Variants in RBM28 observed in about 807,000 individuals in gnomAD.
RBM28 encodes the protein RNA-binding protein 28.
In RBM28, 78 loss-of-function variants were observed where a neutral mutation model predicts 98.3. The observed-to-expected ratio is 0.79, with a 90% CI of 0.66 to 0.96. The LOEUF is 0.96. Ranked by LOEUF, RBM28 falls within the 40% of genes least tolerant of loss-of-function variation. The pLI is 0.00. For synonymous variants in RBM28, 306 were observed against 330.9 expected, an observed-to-expected ratio of 0.92 and a Z score of 0.82; for missense variants, 838 against 913.0, an observed-to-expected ratio of 0.92 and a Z score of 1.06.
chr7:128,332,311 T>C (rs1180169882), intron 9 of RBM28, among the ~76,000 whole-genome samples: 1 of 152,184 alleles, frequency 6.6e-6, no homozygotes, highest in African/African-American at 2.4e-5. Flanking sequence ...TGCTCATGTA[T>C]TTCATCAATT....
intron 17 of RBM28, 127 bp downstream of exon 17, chr7:128,314,637 G>T (rs2116324689): frequency 1.4e-6 from 2 of 1,472,826 alleles, no homozygotes; most frequent in Non-Finnish European, 1.9e-6. Context: ...AACCCCATGT[G>T]TGGGAATACA....
intron 16 of RBM28, among the ~76,000 whole-genome samples, chr7:128,315,767 T>C (rs1036317971): frequency 6.6e-6 from 1 of 152,096 alleles, no homozygotes; most frequent in African/African-American, 2.4e-5. Flanking sequence ...CCTTCAAAAG[T>C]GAAGGAAAAG....
Position 128,324,543 on chromosome 7 carries a change from A to G in RBM28, c.1339+16T>C. The G allele has an allele frequency of 1.2e-6, 2 of 1,614,200 alleles. No individual in the cohort carries two copies. The highest frequency in any genetic ancestry group is 1.7e-6 in the Non-Finnish European group (2 of 1,180,026). ...GGCCAGGTACTTAGAAGTGTGGGTT[A>G]CATCTCCCTACTCACAGCCTTCTCG... On this transcript the variant is annotated intron_variant, in intron 12 of 18. Coordinates refer to ENST00000223073, the MANE Select transcript of RBM28 (RefSeq NM_018077.3).
intron 6 of RBM28, among the ~76,000 whole-genome samples, chr7:128,336,403 C>A (rs1302182437): frequency 6.6e-6 from 1 of 152,166 alleles, no homozygotes; most frequent in Non-Finnish European, 1.5e-5. Flanking sequence ...AATCTCAGTG[C>A]GTTCTATTCT....
chr7:128,337,083 A>C, intron 6 of RBM28, 48 bp downstream of exon 6: 2 of 1,579,880 alleles, frequency 1.3e-6, no homozygotes, highest in East Asian at 2.2e-5. Flanking sequence ...CAATACTCTC[A>C]CCCAGGTTAT....
intron 10 of RBM28, among the ~76,000 whole-genome samples, chr7:128,328,618 T>C (rs910819376): frequency 1.3e-5 from 2 of 152,182 alleles, no homozygotes; most frequent in African/African-American, 4.8e-5. Context: ...TAGGCTTCAT[T>C]CTAAAAGTAT....
At chr7:128,336,137 T>A in intron 6 of RBM28, 95 bp from the exon 7 acceptor site, 1 of 1,206,570 alleles carries the variant, frequency 8.3e-7, no homozygotes, top group Non-Finnish European at 1.2e-6. Context: ...CTTGGTTTCA[T>A]CGGTTTTACA....
intron 3 of RBM28, among the ~76,000 whole-genome samples, chr7:128,339,023 T>G (rs1412512481): frequency 6.6e-6 from 1 of 152,322 alleles, no homozygotes; most frequent in East Asian, 1.9e-4. Context: ...TCTTTCTCAG[T>G]AGTAGTTTCC....
chr7:128,340,975 A>G, intron 1 of RBM28: 2 of 361,034 alleles, frequency 5.5e-6, no homozygotes, highest in South Asian at 5.1e-5. Context: ...ACAAAGAATA[A>G]TATTAGGACC....
chr7:128,330,023 T>C (rs1001789425), intron 10 of RBM28, among the ~76,000 whole-genome samples: 1 of 151,232 alleles, frequency 6.6e-6, no homozygotes, highest in Non-Finnish European at 1.5e-5. Flanking sequence ...GAATGGTCAA[T>C]GCTTAAAACT....
chr7:128,333,578 C>T (rs1796533000), intron 8 of RBM28, among the ~76,000 whole-genome samples: 1 of 152,074 alleles, frequency 6.6e-6, no homozygotes, highest in Non-Finnish European at 1.5e-5. Flanking sequence ...ATTAGCCAGG[C>T]GTGGTAGCAG....
intron 9 of RBM28, 126 bp from the exon 10 acceptor site, chr7:128,331,054 G>T: frequency 1.4e-6 from 1 of 724,520 alleles, no homozygotes; most frequent in Non-Finnish European, 2.5e-6. Context: ...AATACATAGG[G>T]ATGGCCCCCA....
At chr7:128,339,610 TC>T (rs1223421506) in intron 2 of RBM28, 22 bp downstream of exon 2, 5 of 1,611,204 alleles carry the variant, frequency 3.1e-6, no homozygotes, top group Non-Finnish European at 4.2e-6. Context: ...GAGAAAAACT[TC>T]CTTCAATTAC....
intron 13 of RBM28, among the ~76,000 whole-genome samples, chr7:128,323,074 T>C (rs1796270963): frequency 6.6e-6 from 1 of 152,190 alleles, no homozygotes; most frequent in Non-Finnish European, 1.5e-5. Context: ...TCTAAAATGA[T>C]TTTATAATCT....
rs180778761 is a variant in RBM28 at position 128,321,282 on chromosome 7, C to T, written c.1547G>A (p.Gly516Glu). The change falls in exon 14 of 19, where the codon GGG becomes GAG. Residue 516 changes from glycine (G) to glutamate (E), a missense_variant. Gly to Glu is a moderately conservative substitution (Grantham distance 98). Transcript: ENST00000223073. ...LLLSATSGEKGVRIKECRVMR... is the reference protein window; with the variant it reads ...LLLSATSGEKEVRIKECRVMR... ...ACGTCTCACCTCCTTGATGCGCACC[C>T]CTTTCTCTCCACTAGTAGCACTCAG... 1.5e-5 allele frequency: 25 copies of T among 1,614,208 alleles called. No homozygotes were observed. Among genetic ancestry groups the T allele is most frequent in the Non-Finnish European group, 1.9e-5 (23 of 1,180,020 alleles).
In RBM28 at chr7:128,338,273, C is replaced by G. The variant is rs749867026; in HGVS notation, c.518G>C (p.Gly173Ala). 2 of 1,613,938 alleles carry G rather than the reference C, an allele frequency of 1.2e-6. No individual in the cohort carries two copies. The highest frequency in any genetic ancestry group is 1.3e-5 in the African/African-American group (1 of 74,926). Residue 173 changes from glycine (G) to alanine (A), a missense_variant, in exon 5 of 19, where the codon GGC (glycine) becomes GCC (alanine). By Grantham distance (60) the Gly-to-Ala change is moderately conservative. Coordinates refer to ENST00000223073, the MANE Select transcript of RBM28 (RefSeq NM_018077.3). ...ACCTTTTATCTCTTTCATGTTCATGCCTTTGAGAGCTTTACCTGCTTCTAG... is the reference window on the plus strand; with the variant it reads ...ACCTTTTATCTCTTTCATGTTCATGGCTTTGAGAGCTTTACCTGCTTCTAG... ...NLLEAGKALK[G>A]MNMKEIKGRT...
rs766559594 is a variant in RBM28 at position 128,308,819 on chromosome 7, A to T, written c.*1978T>A. 2 of 152,196 alleles carry T rather than the reference A, an allele frequency of 1.3e-5. No individual in the cohort carries two copies. The highest frequency in any genetic ancestry group is 2.9e-5 in the Non-Finnish European group (2 of 68,124). The allele number at this position is 152,196 out of a possible 1,614,324, so 9.4% of individuals were successfully genotyped here. On this transcript the variant is annotated 3_prime_UTR_variant, in exon 19 of 19. Coordinates refer to ENST00000223073, the MANE Select transcript of RBM28 (RefSeq NM_018077.3). Reference sequence around the variant, plus strand: ...ATGGTGAAAACCCGTCTCTACTAAAAATACAAAAATTAGCCGGGCGTGGTG... The same window carrying T: ...ATGGTGAAAACCCGTCTCTACTAAATATACAAAAATTAGCCGGGCGTGGTG...
chr7:128,310,980 T>C, intron 18 of RBM28, 49 bp from the exon 19 acceptor site: 4 of 1,577,172 alleles, frequency 2.5e-6, no homozygotes, highest in South Asian at 1.1e-5. Flanking sequence ...TCAAAGACTA[T>C]ATATCACCTT....
At chr7:128,311,386 T>C (rs1795981590) in intron 18 of RBM28, among the ~76,000 whole-genome samples, 1 of 152,222 alleles carries the variant, frequency 6.6e-6, no homozygotes, top group South Asian at 2.1e-4. Flanking sequence ...ATGCTGCTTT[T>C]ACCCTTAAAG....
Sources: gnomAD v4.1 joint callset for allele counts (sites outside exome capture counted in the v4.1 genomes callset) on GRCh38, gnomAD v4.1.1 for gene constraint, MANE v1.5 for transcripts, NCBI Gene and HGNC (gene_info 2026-07-23, HGNC 2026-07-21) for gene names.